The following PCDHA1 variants were observed in gnomAD, a reference collection of about 807,000 sequenced individuals.
PCDHA1 encodes protocadherin alpha 1.
PCDHA1 carries 42 observed loss-of-function variants against 61.3 expected under a neutral mutation model. The ratio of observed to expected loss-of-function variants is 0.69; its 90% confidence interval spans 0.54 to 0.89. The LOEUF is 0.89. PCDHA1 is among the 40% of genes least tolerant of loss of function. PCDHA1 has a pLI of 0.00. For synonymous variants in PCDHA1, 610 were observed against 553.8 expected (o/e 1.10, Z -1.43); for missense variants, 1,256 against 1,235.3 (o/e 1.02, Z -0.25).
chr5:140,873,571 TGTTTAA>T (rs141288581), intron 1 of PCDHA1, among the ~76,000 whole-genome samples: 18,659 of 152,254 alleles, frequency 0.12, 1,208 homozygotes, highest in Middle Eastern at 0.19. Flanking sequence ...CTAGTTTGGT[TGTTTAA>T]GTATTAAGCT....
chr5:140,956,960 TAATC>T (rs2307694), intron 1 of PCDHA1, among the ~76,000 whole-genome samples: 47,965 of 151,898 alleles, frequency 0.32, 7,886 homozygotes, highest in East Asian at 0.53. Flanking sequence ...ACACTGTAAT[TAATC>T]AGTCAATTTA....
chr5:140,828,642 T>C (rs1769868175), intron 1 of PCDHA1: 1 of 1,614,010 alleles, frequency 6.2e-7, no homozygotes, highest in Non-Finnish European at 8.5e-7. Flanking sequence ...GATGTGAAAA[T>C]AAACAGTGAT....
At chr5:140,850,013 C>G in intron 1 of PCDHA1, 1 of 1,597,018 alleles carries the variant, frequency 6.3e-7, no homozygotes, top group Non-Finnish European at 8.6e-7. Flanking sequence ...CGCTGTCGAG[C>G]TACGTGTCAG....
chr5:140,985,021 T>A (rs2097132867), intron 3 of PCDHA1, among the ~76,000 whole-genome samples: 1 of 151,956 alleles, frequency 6.6e-6, no homozygotes, highest in African/African-American at 2.4e-5. Flanking sequence ...CACAGCAACC[T>A]CTGCCTCCTG....
chr5:140,817,590 T>G (rs1430318435), intron 1 of PCDHA1: 1 of 152,218 alleles, frequency 6.6e-6, no homozygotes, highest in African/African-American at 2.4e-5. Context: ...TTTTAATAAT[T>G]CCAGGCAACG....
At chr5:140,843,413 G>A (rs2150359466) in intron 1 of PCDHA1, 1 of 1,596,100 alleles carries the variant, frequency 6.3e-7, no homozygotes, top group Non-Finnish European at 8.6e-7. Flanking sequence ...GGATGTCAAC[G>A]TGTACCTGAT....
intron 3 of PCDHA1, among the ~76,000 whole-genome samples, chr5:140,984,589 T>C (rs2097109638): frequency 6.6e-6 from 1 of 152,186 alleles, no homozygotes; most frequent in Non-Finnish European, 1.5e-5. Flanking sequence ...ATCATACTTT[T>C]CAATACATAC....
chr5:140,796,082 CG>C (rs782638788), intron 1 of PCDHA1: 2 of 1,614,194 alleles, frequency 1.2e-6, no homozygotes, highest in South Asian at 2.2e-5. Context: ...GCTCTCATCA[CG>C]GTGTCGGATC....
chr5:140,796,072 G>A, intron 1 of PCDHA1: 1 of 1,614,198 alleles, frequency 6.2e-7, no homozygotes, highest in Non-Finnish European at 8.5e-7. Flanking sequence ...CACTGTCATT[G>A]CTCTCATCAC....
At chr5:140,862,620 G>C in intron 1 of PCDHA1, 1 of 528,384 alleles carries the variant, frequency 1.9e-6, no homozygotes, top group Non-Finnish European at 3.8e-6. Context: ...GTAACAACCC[G>C]CGGGGCTGCC....
rs2150156470 is a variant in PCDHA1 at position 140,828,534 on chromosome 5, C to T, written c.2394+39850C>T. 6.2e-6 allele frequency: 10 copies of T among 1,614,104 alleles called. No homozygotes were observed. The Admixed American group carries it at 1.7e-4, about 27-fold the overall frequency. On this transcript the variant is annotated intron_variant, in intron 1 of 3. Transcript: ENST00000504120. ...GTGCTGATTTACGAATCTAGGCTGCCAGATTCTGTGTTTCCACTGGAGGGC... is the reference window on the plus strand; with the variant it reads ...GTGCTGATTTACGAATCTAGGCTGCTAGATTCTGTGTTTCCACTGGAGGGC...
chr5:140,822,636 T>A, intron 1 of PCDHA1: 1 of 1,610,778 alleles, frequency 6.2e-7, no homozygotes, highest in Non-Finnish European at 8.5e-7. Context: ...TTCTTGACGA[T>A]GTAAAGTCCA....
At chr5:140,870,132 C>T (rs371110623) in intron 1 of PCDHA1, 43 of 1,613,852 alleles carry the variant, frequency 2.7e-5, no homozygotes, top group East Asian at 4.5e-5. Context: ...TGGACACCAA[C>T]GATAACTCTC....
intron 1 of PCDHA1, chr5:140,860,422 T>A (rs1554153353): frequency 1.3e-5 from 2 of 152,130 alleles, no homozygotes; most frequent in African/African-American, 4.8e-5. Context: ...ACCATTATCC[T>A]GCAAATATGA....
chr5:140,833,695 T>G (rs2150210401), intron 1 of PCDHA1, among the ~76,000 whole-genome samples: 1 of 152,154 alleles, frequency 6.6e-6, no homozygotes, highest in Non-Finnish European at 1.5e-5. Context: ...TCTTATTTTG[T>G]TTTCCCAAGA....
chr5:140,814,586 C>T (rs1049103796), intron 1 of PCDHA1: 3 of 151,932 alleles, frequency 2.0e-5, no homozygotes, highest in African/African-American at 7.3e-5. Flanking sequence ...AATTACTGTA[C>T]ATAATTGTAT....
At chr5:140,825,311 T>C (rs1360273212) in intron 1 of PCDHA1, 2 of 149,360 alleles carry the variant, frequency 1.3e-5, no homozygotes, top group African/African-American at 4.9e-5. Flanking sequence ...AACAATGATT[T>C]AATTTTCTGG....
Position 140,823,061 on chromosome 5 carries a change from G to A in PCDHA1, c.2394+34377G>A, listed in dbSNP as rs2150121840. 3.7e-6 allele frequency: 6 copies of A among 1,613,882 alleles called. No homozygotes were observed. In the African/African-American group the frequency reaches 6.7e-5, roughly 18 times the overall value. ...GAGCTGGTGGTGACCGCGCGGGACG[G>A]GGGCTCGCCTTCGCTGTGGGCCACC... On this transcript the variant is annotated intron_variant, in intron 1 of 3. Coordinates refer to ENST00000504120, the MANE Select transcript of PCDHA1 (RefSeq NM_018900.4).
intron 1 of PCDHA1, among the ~76,000 whole-genome samples, chr5:140,970,537 GT>G (rs111648801): frequency 0.029 from 4,476 of 152,214 alleles, 218 homozygotes; most frequent in African/African-American, 0.1. Flanking sequence ...ATGTGTGTGT[GT>G]TTGTGTTGTG....
Sources: allele counts gnomAD v4.1 joint callset (sites outside exome capture counted in the v4.1 genomes callset), GRCh38; gene constraint gnomAD v4.1.1; transcripts MANE v1.5; gene names NCBI Gene and HGNC (gene_info 2026-07-23, HGNC 2026-07-21).